Variants in SPAG16 observed in about 807,000 individuals in gnomAD.
The protein encoded by SPAG16 is sperm associated antigen 16, also known as sperm-associated antigen 16 protein.
In SPAG16, 86 loss-of-function variants were observed where a neutral mutation model predicts 80.4. The observed-to-expected ratio is 1.07, with a 90% CI of 0.90 to 1.28. SPAG16 has a LOEUF of 1.28. Among genes scored for constraint, SPAG16 ranks in the 50% most tolerant of loss-of-function variants. The pLI is 0.00. For synonymous variants in SPAG16, 294 were observed against 265.9 expected, an observed-to-expected ratio of 1.11 and a Z score of -1.03; for missense variants, 870 against 765.3, an observed-to-expected ratio of 1.14 and a Z score of -1.61.
At chr2:213,500,717 G>A (rs994414705) in intron 10 of SPAG16, among the ~76,000 whole-genome samples, 1 of 152,194 alleles carries the variant, frequency 6.6e-6, no homozygotes, top group Non-Finnish European at 1.5e-5. Context: ...TGGGGTGGTA[G>A]GTAATAGGTT....
chr2:213,316,993 G>T (rs969298205), intron 4 of SPAG16, among the ~76,000 whole-genome samples: 1 of 152,114 alleles, frequency 6.6e-6, no homozygotes, highest in African/African-American at 2.4e-5. Context: ...CTGGAACATA[G>T]GAGATGTTCA....
chr2:214,075,657 G>A (rs989993343), intron 13 of SPAG16, among the ~76,000 whole-genome samples: 5 of 152,084 alleles, frequency 3.3e-5, no homozygotes, highest in Non-Finnish European at 5.9e-5. Flanking sequence ...TGAACCATAC[G>A]TCCTTAACAC....
intron 10 of SPAG16, among the ~76,000 whole-genome samples, chr2:213,588,866 A>G (rs892572780): frequency 2.7e-5 from 4 of 147,706 alleles, no homozygotes; most frequent in African/African-American, 4.9e-5. Flanking sequence ...ATTTTGAGAA[A>G]CTACAATTGA....
At chr2:213,428,115 G>T (rs556254700) in intron 9 of SPAG16, among the ~76,000 whole-genome samples, 20 of 152,156 alleles carry the variant, frequency 1.3e-4, no homozygotes, top group Non-Finnish European at 2.9e-4. Flanking sequence ...CTTTATCCAA[G>T]AAGGCACACA....
At chr2:213,981,865 C>A (rs943047122) in intron 12 of SPAG16, among the ~76,000 whole-genome samples, 6 of 149,098 alleles carry the variant, frequency 4.0e-5, no homozygotes, top group Non-Finnish European at 8.8e-5. Context: ...TTTTAAAGTC[C>A]GAATTTAATT....
intron 9 of SPAG16, among the ~76,000 whole-genome samples, chr2:213,403,965 A>C (rs1226579697): frequency 6.6e-6 from 1 of 152,216 alleles, no homozygotes; most frequent in Non-Finnish European, 1.5e-5. Flanking sequence ...CAGTTGCTTC[A>C]AAGAGAATAA....
chr2:214,227,648 G>A (rs58185195), intron 15 of SPAG16, among the ~76,000 whole-genome samples: 38,298 of 150,972 alleles, frequency 0.25, 6,707 homozygotes, highest in African/African-American at 0.5. Flanking sequence ...CTAACTTCCA[G>A]TTGAGTAGCC....
At chr2:214,406,578 C>T (rs115908031) in intron 15 of SPAG16, among the ~76,000 whole-genome samples, 7,613 of 152,030 alleles carry the variant, frequency 0.05, 580 homozygotes, top group African/African-American at 0.17. Flanking sequence ...AGTGAAACTA[C>T]TTATTAAAAT....
At chr2:214,049,415 T>C (rs1397020964) in intron 13 of SPAG16, among the ~76,000 whole-genome samples, 1 of 152,214 alleles carries the variant, frequency 6.6e-6, no homozygotes, top group Admixed American at 6.5e-5. Context: ...CAATAATCTC[T>C]TGAGCTTTCT....
intron 15 of SPAG16, among the ~76,000 whole-genome samples, chr2:214,204,844 T>C (rs1576490057): frequency 6.6e-6 from 1 of 152,252 alleles, no homozygotes; most frequent in East Asian, 1.9e-4. Context: ...AATCTCTGAA[T>C]TACCAGAAAA....
intron 15 of SPAG16, among the ~76,000 whole-genome samples, chr2:214,262,643 T>C (rs1289841667): frequency 6.6e-6 from 1 of 152,182 alleles, no homozygotes; most frequent in East Asian, 1.9e-4. Flanking sequence ...ATATTTTTTC[T>C]GTATCCTTCA....
At chr2:213,780,945 T>C (rs1031005848) in intron 10 of SPAG16, among the ~76,000 whole-genome samples, 4 of 152,170 alleles carry the variant, frequency 2.6e-5, no homozygotes, top group African/African-American at 9.7e-5. Flanking sequence ...TTCCACATGA[T>C]ACTATTGGTA....
intron 15 of SPAG16, among the ~76,000 whole-genome samples, chr2:214,258,597 G>A (rs1019461134): frequency 6.6e-6 from 1 of 151,716 alleles, no homozygotes; most frequent in Non-Finnish European, 1.5e-5. Context: ...GTGTGCTGCT[G>A]TAAACATGCG....
chr2:214,026,660 T>A (rs1206331620), intron 13 of SPAG16, among the ~76,000 whole-genome samples: 2 of 151,464 alleles, frequency 1.3e-5, no homozygotes, highest in Non-Finnish European at 3.0e-5. Context: ...TCTCCTTAGA[T>A]AATAGCAATT....
intron 13 of SPAG16, among the ~76,000 whole-genome samples, chr2:214,094,385 T>A (rs900379177): frequency 2.0e-5 from 3 of 152,112 alleles, no homozygotes; most frequent in African/African-American, 7.2e-5. Flanking sequence ...CATGTTAGAA[T>A]CACATGGCAT....
intron 6 of SPAG16, among the ~76,000 whole-genome samples, chr2:213,346,460 A>C (rs934658950): frequency 6.6e-5 from 10 of 152,314 alleles, no homozygotes; most frequent in African/African-American, 1.2e-4. Context: ...GTCTTGTGCC[A>C]GTTTTCAAAG....
rs74583501 is a variant in SPAG16, at chr2:214,266,399, T to G, written c.1720+117133T>G. ...CTATTGCCAATAGATAGACTTTATT[T>G]TTGGAGCAAACCTATTTAAACATTG... On this transcript the variant is annotated intron_variant, in intron 15 of 15. Transcript: ENST00000331683. Among the ~76,000 whole-genome samples the G allele has an allele frequency of 3.2e-3, 479 of 151,982 alleles. 4 individuals carry two copies. Among genetic ancestry groups the G allele is most frequent in the African/African-American group, 0.011 (459 of 41,528 alleles).
At chr2:213,601,137 G>T (rs1397567249) in intron 10 of SPAG16, among the ~76,000 whole-genome samples, 2 of 152,098 alleles carry the variant, frequency 1.3e-5, no homozygotes, top group Admixed American at 1.3e-4. Flanking sequence ...CAATGGTTTT[G>T]AAAAAAGTTT....
At chr2:213,500,273 A>G (rs2074682243) in intron 10 of SPAG16, among the ~76,000 whole-genome samples, 1 of 152,200 alleles carries the variant, frequency 6.6e-6, no homozygotes, top group Non-Finnish European at 1.5e-5. Context: ...AGTATATGAA[A>G]GGAAAACTAG....
Sources: allele counts gnomAD v4.1 joint callset (sites outside exome capture counted in the v4.1 genomes callset), GRCh38; gene constraint gnomAD v4.1.1; transcripts MANE v1.5; gene names NCBI Gene and HGNC (gene_info 2026-07-23, HGNC 2026-07-21).